PLXDC2: variants seen among roughly 807,000 people sequenced by gnomAD.
PLXDC2 encodes the protein plexin domain-containing protein 2.
A neutral mutation model predicts 68.9 loss-of-function variants in PLXDC2; 40 were observed. That is an observed-to-expected ratio of 0.58 (90% CI 0.45 to 0.76). PLXDC2 has a LOEUF of 0.76. Ranked by LOEUF, PLXDC2 falls within the 30% of genes least tolerant of loss-of-function variation. The pLI is 0.00. For synonymous variants in PLXDC2, 243 were observed against 234.2 expected (o/e 1.04, Z -0.34); for missense variants, 644 against 661.9 (o/e 0.97, Z 0.30).
chr10:19,936,622 G>T (rs189751981), intron 1 of PLXDC2, among the ~76,000 whole-genome samples: 2 of 152,300 alleles, frequency 1.3e-5, no homozygotes, highest in East Asian at 3.9e-4. Flanking sequence ...CAGCTTATGA[G>T]AACTGATCTC....
intron 1 of PLXDC2, among the ~76,000 whole-genome samples, chr10:19,946,004 C>T (rs1833895607): frequency 1.3e-5 from 2 of 152,208 alleles, no homozygotes; most frequent in African/African-American, 2.4e-5. Flanking sequence ...AATGCTGCAT[C>T]CTGCTCAAAT....
At chr10:20,271,465 T>C (rs1564372636) in intron 13 of PLXDC2, among the ~76,000 whole-genome samples, 1 of 152,146 alleles carries the variant, frequency 6.6e-6, no homozygotes, top group Non-Finnish European at 1.5e-5. Context: ...TGAAAAGAAT[T>C]CAACAAGAGA....
At chr10:20,124,352 G>C (rs1833741681) in intron 4 of PLXDC2, among the ~76,000 whole-genome samples, 1 of 152,178 alleles carries the variant, frequency 6.6e-6, no homozygotes, top group South Asian at 2.1e-4. Flanking sequence ...GACAGTGAGA[G>C]AGGTTGGAGA....
chr10:19,916,268 C>A (rs1833364588), intron 1 of PLXDC2, among the ~76,000 whole-genome samples: 1 of 150,434 alleles, frequency 6.6e-6, no homozygotes, highest in Admixed American at 6.7e-5. Flanking sequence ...GCCTCAGCCT[C>A]CTGAGTAGCT....
At chr10:20,017,920 G>A (rs1276488624) in intron 2 of PLXDC2, among the ~76,000 whole-genome samples, 1 of 152,190 alleles carries the variant, frequency 6.6e-6, no homozygotes, top group Non-Finnish European at 1.5e-5. Context: ...GAGAATAGTG[G>A]GGCATGGGGA....
intron 1 of PLXDC2, among the ~76,000 whole-genome samples, chr10:19,945,983 A>G (rs1266346375): frequency 2.6e-5 from 4 of 152,250 alleles, no homozygotes; most frequent in African/African-American, 9.6e-5. Context: ...ACATGGATTC[A>G]AATTGGACCC....
At chr10:20,103,636 CTTTTTTTTTTTCTTTTTT>C (rs1833451632) in intron 4 of PLXDC2, among the ~76,000 whole-genome samples, 2 of 118,594 alleles carry the variant, frequency 1.7e-5, no homozygotes, top group East Asian at 5.2e-4. Flanking sequence ...CACATCTTTT[CTTTTTTTTTTTCTTTTTT>C]TTTTTTTGAG....
At chr10:19,830,822 G>A (rs1218320029) in intron 1 of PLXDC2, among the ~76,000 whole-genome samples, 7 of 152,034 alleles carry the variant, frequency 4.6e-5, no homozygotes, top group African/African-American at 1.7e-4. Context: ...TGCCCAATGT[G>A]ATAAAGCAGG....
chr10:19,824,624 T>C (rs1039649203), intron 1 of PLXDC2, among the ~76,000 whole-genome samples: 4 of 152,186 alleles, frequency 2.6e-5, no homozygotes, highest in African/African-American at 9.7e-5. Context: ...TCCCACACAA[T>C]GATTCTGTTA....
chr10:20,030,262 G>A (rs1417075646), intron 2 of PLXDC2, among the ~76,000 whole-genome samples: 1 of 152,048 alleles, frequency 6.6e-6, no homozygotes, highest in African/African-American at 2.4e-5. Flanking sequence ...TTATACAAAT[G>A]ACCATGAATT....
intron 1 of PLXDC2, among the ~76,000 whole-genome samples, chr10:19,833,443 A>G (rs1836732032): frequency 6.6e-6 from 1 of 152,208 alleles, no homozygotes; most frequent in Admixed American, 6.5e-5. Context: ...TCACTCATTG[A>G]TAGCCTAGGG....
At chr10:19,996,100 T>C (rs1378209717) in intron 1 of PLXDC2, among the ~76,000 whole-genome samples, 1 of 152,068 alleles carries the variant, frequency 6.6e-6, no homozygotes, top group African/African-American at 2.4e-5. Flanking sequence ...AAGGTGTCTC[T>C]GGTAGCAAGT....
chr10:19,916,014 G>T (rs181883340), intron 1 of PLXDC2, among the ~76,000 whole-genome samples: 1 of 151,948 alleles, frequency 6.6e-6, no homozygotes, highest in East Asian at 1.9e-4. Flanking sequence ...TACCTCTCTT[G>T]CATCCTAGAA....
chr10:20,140,562 ACT>A (rs1833991767), intron 4 of PLXDC2, among the ~76,000 whole-genome samples: 1 of 151,786 alleles, frequency 6.6e-6, no homozygotes, highest in African/African-American at 2.4e-5. Flanking sequence ...AATTTGCATA[ACT>A]CTTTCTTATT....
intron 1 of PLXDC2, among the ~76,000 whole-genome samples, chr10:19,953,632 A>T (rs1174707890): frequency 6.6e-6 from 1 of 152,208 alleles, no homozygotes; most frequent in African/African-American, 2.4e-5. Flanking sequence ...GATTTGTCTA[A>T]GACTGGAAAG....
At chr10:20,056,031 C>G (rs149064615) in intron 3 of PLXDC2, among the ~76,000 whole-genome samples, 1 of 152,036 alleles carries the variant, frequency 6.6e-6, no homozygotes, top group African/African-American at 2.4e-5. Flanking sequence ...TCATCGGATC[C>G]AAATTCAAGT....
intron 1 of PLXDC2, among the ~76,000 whole-genome samples, chr10:19,850,233 T>C (rs1000269111): frequency 6.6e-6 from 1 of 151,838 alleles, no homozygotes; most frequent in Admixed American, 6.6e-5. Context: ...ATTAGAAATA[T>C]CCCTTATCTA....
At chr10:19,987,803 T>C (rs1314568820) in intron 1 of PLXDC2, among the ~76,000 whole-genome samples, 20 of 152,090 alleles carry the variant, frequency 1.3e-4, no homozygotes, top group Non-Finnish European at 2.5e-4. Flanking sequence ...CTCCCGACCT[T>C]GTGATCCTCC....
At chr10:20,132,286 T>C (rs1833877351) in intron 4 of PLXDC2, among the ~76,000 whole-genome samples, 1 of 152,202 alleles carries the variant, frequency 6.6e-6, no homozygotes, top group Non-Finnish European at 1.5e-5. Context: ...CTAACAAATA[T>C]TCCATGTGCA....
Sources: allele counts gnomAD v4.1 joint callset (sites outside exome capture counted in the v4.1 genomes callset), GRCh38; gene constraint gnomAD v4.1.1; transcripts MANE v1.5; gene names NCBI Gene and HGNC (gene_info 2026-07-23, HGNC 2026-07-21).